Variants in TASP1 observed in about 807,000 individuals in gnomAD.
TASP1 encodes taspase 1.
TASP1 carries 16 observed loss-of-function variants against 56.6 expected under a neutral mutation model. The observed-to-expected ratio is 0.28, with a 90% CI of 0.19 to 0.43. The LOEUF is 0.43. Ranked by LOEUF, TASP1 falls within the 20% of genes least tolerant of loss-of-function variation. TASP1 has a pLI of 1.00. For synonymous variants in TASP1, 179 were observed against 184.2 expected (o/e 0.97, Z 0.23); for missense variants, 393 against 511.6 (o/e 0.77, Z 2.24).
chr20:13,460,234 G>A (rs565066302), intron 11 of TASP1, among the ~76,000 whole-genome samples: 1 of 152,266 alleles, frequency 6.6e-6, no homozygotes, highest in Non-Finnish European at 1.5e-5. Flanking sequence ...AGTCTGACCT[G>A]CTGATCGTGC....
chr20:13,594,874 A>AGT (rs1334368270), intron 4 of TASP1, among the ~76,000 whole-genome samples: 4 of 152,226 alleles, frequency 2.6e-5, no homozygotes, highest in Non-Finnish European at 4.4e-5. Context: ...AAATACAGAG[A>AGT]ACACCACAAA....
At chr20:13,592,559 C>T (rs370419550) in intron 4 of TASP1, among the ~76,000 whole-genome samples, 4 of 151,980 alleles carry the variant, frequency 2.6e-5, no homozygotes, top group African/African-American at 7.2e-5. Flanking sequence ...CAAAACATCC[C>T]TTCTCTCATT....
the TASP1 span, among the ~76,000 whole-genome samples, chr20:13,336,184 C>T: frequency 5.1e-4 from 78 of 152,316 alleles, no homozygotes; most frequent in African/African-American, 1.9e-3. Context: ...AGGGCTGCTT[C>T]CTGGGTGTGC....
intron 13 of TASP1, chr20:13,392,597 A>G: frequency 2.8e-6 from 1 of 359,584 alleles, no homozygotes; most frequent in Non-Finnish European, 5.4e-6. Flanking sequence ...GTTTATGTAA[A>G]CATGCAGAAT....
At chr20:13,444,633 T>C (rs1424246815) in intron 11 of TASP1, among the ~76,000 whole-genome samples, 1 of 152,190 alleles carries the variant, frequency 6.6e-6, no homozygotes, top group East Asian at 1.9e-4. Context: ...AAGATGCACT[T>C]AAGTCTACAA....
the TASP1 span, among the ~76,000 whole-genome samples, chr20:13,303,903 C>T: frequency 6.6e-6 from 1 of 152,158 alleles, no homozygotes; most frequent in Non-Finnish European, 1.5e-5. Context: ...ATGCTGGTTG[C>T]TGTAACAAAT....
chr20:13,299,288 C>T, the TASP1 span: 1 of 1,612,460 alleles, frequency 6.2e-7, no homozygotes, highest in Admixed American at 1.7e-5. This position sits in a 1 kb window ranked among gnomAD's most constrained non-coding sequence, Gnocchi z 5.8. Flanking sequence ...TCATCAGCAC[C>T]GAGTTCTCCG....
intron 10 of TASP1, among the ~76,000 whole-genome samples, chr20:13,517,342 C>T (rs2044579149): frequency 6.6e-6 from 1 of 151,984 alleles, no homozygotes; most frequent in Non-Finnish European, 1.5e-5. Flanking sequence ...AGTCGTCTTG[C>T]TGAGGAGCAA....
intron 13 of TASP1, among the ~76,000 whole-genome samples, chr20:13,397,785 C>T (rs544797984): frequency 2.6e-5 from 4 of 152,212 alleles, no homozygotes; most frequent in South Asian, 2.1e-4. Flanking sequence ...ATGTCTTTTT[C>T]GGTAAAAGTG....
the TASP1 span, among the ~76,000 whole-genome samples, chr20:13,362,388 C>T: frequency 1.1e-4 from 16 of 151,670 alleles, no homozygotes; most frequent in South Asian, 1.9e-3. Context: ...AAAAGAAGTG[C>T]AAATGGCCGG....
intron 10 of TASP1, among the ~76,000 whole-genome samples, chr20:13,503,756 A>ATATC (rs2044030184): frequency 6.6e-6 from 1 of 152,112 alleles, no homozygotes; most frequent in East Asian, 1.9e-4. Flanking sequence ...AAATTTAATA[A>ATATC]AAAGATTAAA....
chr20:13,613,764 T>G (rs2048430475), intron 4 of TASP1, among the ~76,000 whole-genome samples: 1 of 151,932 alleles, frequency 6.6e-6, no homozygotes, highest in Non-Finnish European at 1.5e-5. Context: ...GAGTAAAAAG[T>G]TCAAGAATTA....
At chr20:13,434,417 G>A (rs985572388) in intron 12 of TASP1, among the ~76,000 whole-genome samples, 4 of 152,104 alleles carry the variant, frequency 2.6e-5, no homozygotes, top group East Asian at 1.9e-4. Flanking sequence ...CACAGAGGGT[G>A]GGCTGGGTTT....
At chr20:13,125,778 G>A in the TASP1 span, among the ~76,000 whole-genome samples, 1 of 152,296 alleles carries the variant, frequency 6.6e-6, no homozygotes, top group South Asian at 2.1e-4. Context: ...GGCATTTTGA[G>A]GCATAGACCC....
chr20:13,627,628 G>A (rs1297645754), intron 2 of TASP1, among the ~76,000 whole-genome samples: 1 of 150,738 alleles, frequency 6.6e-6, no homozygotes. Flanking sequence ...GCACGTGCCT[G>A]TAATCCCAGT....
the TASP1 span, among the ~76,000 whole-genome samples, chr20:13,376,789 T>G: frequency 6.6e-6 from 1 of 152,232 alleles, no homozygotes; most frequent in African/African-American, 2.4e-5. Context: ...GAAGAGGTCC[T>G]TCACAACCCT....
intron 4 of TASP1, among the ~76,000 whole-genome samples, chr20:13,606,773 C>T (rs2048174184): frequency 6.7e-6 from 1 of 149,010 alleles, no homozygotes; most frequent in African/African-American, 2.5e-5. Context: ...CGCCACTGCA[C>T]TCCAGCCTGG....
intron 11 of TASP1, among the ~76,000 whole-genome samples, chr20:13,472,923 G>A (rs1425612325): frequency 3.3e-5 from 5 of 152,090 alleles, no homozygotes; most frequent in Non-Finnish European, 7.3e-5. Flanking sequence ...GGAAGACAGT[G>A]TGGCGATTCC....
At chr20:13,197,836 TA>T in the TASP1 span, among the ~76,000 whole-genome samples, 1 of 152,214 alleles carries the variant, frequency 6.6e-6, no homozygotes, top group Non-Finnish European at 1.5e-5. Context: ...TAGCGATTTA[TA>T]AAAAGGCTTT....
Sources: gnomAD v4.1 joint callset for allele counts (sites outside exome capture counted in the v4.1 genomes callset) on GRCh38, gnomAD v4.1.1 for gene constraint, Gnocchi (gnomAD v3.1) non-coding constraint, MANE v1.5 for transcripts, NCBI Gene and HGNC (gene_info 2026-07-23, HGNC 2026-07-21) for gene names.